The following HTR1F variants were observed in gnomAD, a reference collection of about 807,000 sequenced individuals.
HTR1F encodes the protein 5-hydroxytryptamine receptor 1F.
A neutral mutation model predicts 24.0 loss-of-function variants in HTR1F; 17 were observed. The observed-to-expected ratio is 0.71, with a 90% CI of 0.48 to 1.06. The LOEUF (loss-of-function observed/expected upper bound fraction) is 1.06. Ranked by LOEUF, HTR1F falls within the 50% of genes least tolerant of loss-of-function variation. The pLI is 0.00. For missense variants in HTR1F, 391 were observed against 427.8 expected (o/e 0.91, Z 0.76); for synonymous variants, 186 against 156.8 (o/e 1.19, Z -1.39).
intron 2 of HTR1F, among the ~76,000 whole-genome samples, chr3:87,888,012 G>A (rs894691637): frequency 3.5e-4 from 54 of 152,162 alleles, no homozygotes; most frequent in Admixed American, 2.0e-3. Context: ...ATAAAGACAC[G>A]CACACATGTA....
intron 2 of HTR1F, among the ~76,000 whole-genome samples, chr3:87,905,303 C>T (rs1229039945): frequency 6.6e-6 from 1 of 151,448 alleles, no homozygotes; most frequent in Admixed American, 6.6e-5. Context: ...AGAGTGAGAA[C>T]CCATCTCAAA....
chr3:87,918,275 G>GA (rs1271083663), intron 2 of HTR1F, among the ~76,000 whole-genome samples: 3 of 151,812 alleles, frequency 2.0e-5, no homozygotes, highest in East Asian at 1.9e-4. Context: ...ACTGAAAGAG[G>GA]AAAAAATGAA....
intron 2 of HTR1F, among the ~76,000 whole-genome samples, chr3:87,900,191 T>C (rs1706289775): frequency 6.6e-6 from 1 of 152,204 alleles, no homozygotes; most frequent in South Asian, 2.1e-4. Context: ...AATAATGTTA[T>C]AATTTTAAAC....
At chr3:87,817,688 G>C (rs1241556411) in intron 1 of HTR1F, among the ~76,000 whole-genome samples, 8 of 152,152 alleles carry the variant, frequency 5.3e-5, no homozygotes, top group African/African-American at 1.9e-4. Context: ...CTTTATTGCT[G>C]TTGTGAGCAA....
chr3:87,933,650 A>G (rs2107415619), intron 2 of HTR1F, among the ~76,000 whole-genome samples: 1 of 152,360 alleles, frequency 6.6e-6, no homozygotes, highest in South Asian at 2.1e-4. Context: ...CTTGCAAGGG[A>G]CATGAAGGAC....
chr3:87,825,885 T>C (rs1274477000), intron 2 of HTR1F, among the ~76,000 whole-genome samples: 4 of 152,114 alleles, frequency 2.6e-5, no homozygotes. Context: ...TTAGATCCCA[T>C]TGTAGGGACA....
intron 2 of HTR1F, among the ~76,000 whole-genome samples, chr3:87,966,625 A>AT (rs1451748441): frequency 6.6e-6 from 1 of 151,988 alleles, no homozygotes; most frequent in Non-Finnish European, 1.5e-5. Flanking sequence ...AATTCAAGTG[A>AT]TTTTTTTCAT....
At chr3:87,935,693 T>C (rs1486115435) in intron 2 of HTR1F, among the ~76,000 whole-genome samples, 2 of 152,180 alleles carry the variant, frequency 1.3e-5, no homozygotes, top group African/African-American at 4.8e-5. Context: ...TAAGTTTCCA[T>C]TTTGTTGAAA....
intron 2 of HTR1F, among the ~76,000 whole-genome samples, chr3:87,876,604 G>T (rs1575975393): frequency 6.6e-6 from 1 of 152,142 alleles, no homozygotes; most frequent in South Asian, 2.1e-4. Context: ...AGACTGCATG[G>T]TTCCACTTAT....
intron 2 of HTR1F, among the ~76,000 whole-genome samples, chr3:87,862,113 T>G (rs1705332056): frequency 6.6e-6 from 1 of 152,200 alleles, no homozygotes; most frequent in Non-Finnish European, 1.5e-5. Flanking sequence ...GCTTTATCCC[T>G]TCCTGAAGAA....
chr3:87,980,632 G>T (rs1222085811), intron 2 of HTR1F, among the ~76,000 whole-genome samples: 1 of 151,286 alleles, frequency 6.6e-6, no homozygotes, highest in African/African-American at 2.4e-5. Context: ...GAGCCTGTCT[G>T]CCTCCTGCCA....
chr3:87,971,361 A>G (rs141185094), intron 2 of HTR1F, among the ~76,000 whole-genome samples: 214 of 152,168 alleles, frequency 1.4e-3, no homozygotes, highest in African/African-American at 5.0e-3. Context: ...TGAGCCCAGG[A>G]GCTTGAGATT....
At chr3:87,818,430 C>T (rs1704290486) in intron 1 of HTR1F, among the ~76,000 whole-genome samples, 1 of 152,130 alleles carries the variant, frequency 6.6e-6, no homozygotes, top group South Asian at 2.1e-4. Flanking sequence ...CCAAGTACTG[C>T]ACCAAGAAAG....
At position 87,913,126 on chromosome 3, in the gene HTR1F, G is replaced by T. The variant is rs190390853; in HGVS notation, c.-42-77582G>T. On this transcript the variant is annotated intron_variant, in intron 2 of 2. Transcript: ENST00000319595. ...ATTTAAGAGCTTCTGCACAACAAAA[G>T]AAACTATCAACAGAGTGAACAGAGA... is the stretch of plus-strand genomic sequence containing the variant. 7.9e-5 allele frequency among the ~76,000 whole-genome samples: 12 copies of T among 152,116 alleles called. No individual in the cohort carries two copies. The East Asian group carries it at 2.3e-3, about 29-fold the overall frequency.
intron 2 of HTR1F, among the ~76,000 whole-genome samples, chr3:87,853,650 CA>C (rs1302943701): frequency 6.6e-6 from 1 of 151,930 alleles, no homozygotes; most frequent in South Asian, 2.1e-4. Context: ...TTGCTTTCCA[CA>C]AGGGTTGAAC....
chr3:87,936,542 T>C (rs1305910042), intron 2 of HTR1F, among the ~76,000 whole-genome samples: 5 of 152,196 alleles, frequency 3.3e-5, no homozygotes, highest in African/African-American at 1.2e-4. Flanking sequence ...ATAATTTTTA[T>C]AACACTCCAA....
chr3:87,873,286 G>A (rs1189883607), intron 2 of HTR1F, among the ~76,000 whole-genome samples: 2 of 152,078 alleles, frequency 1.3e-5, no homozygotes, highest in African/African-American at 2.4e-5. Flanking sequence ...GGAGCTGATG[G>A]TGTAAGTCCT....
intron 2 of HTR1F, among the ~76,000 whole-genome samples, chr3:87,985,293 G>A (rs1255737433): frequency 6.6e-6 from 1 of 151,476 alleles, no homozygotes; most frequent in Non-Finnish European, 1.5e-5. Flanking sequence ...CAGAGATCAC[G>A]CCATTGTATT....
At chr3:87,910,472 C>T (rs1703754493) in intron 2 of HTR1F, 1 of 151,768 alleles carries the variant, frequency 6.6e-6, no homozygotes, top group East Asian at 1.9e-4. Context: ...ATTCCTAAAG[C>T]AAGTTCTTAG....
Sources: gnomAD v4.1 joint callset for allele counts (sites outside exome capture counted in the v4.1 genomes callset) on GRCh38, gnomAD v4.1.1 for gene constraint, MANE v1.5 for transcripts, NCBI Gene and HGNC (gene_info 2026-07-23, HGNC 2026-07-21) for gene names.